Variants in DENND1B observed in about 807,000 individuals in gnomAD.
DENND1B encodes DENN domain-containing protein 1B.
A neutral mutation model predicts 90.1 loss-of-function variants in DENND1B; 59 were observed. The ratio of observed to expected loss-of-function variants is 0.65; its 90% CI spans 0.53 to 0.81. DENND1B has a LOEUF of 0.81. DENND1B is among the 40% of genes least tolerant of loss of function. The pLI is 0.00. For synonymous variants in DENND1B, 337 were observed against 324.6 expected (o/e 1.04, Z -0.41); for missense variants, 862 against 912.6 (o/e 0.94, Z 0.71).
chr1:197,546,632 A>C lies in DENND1B; in HGVS notation c.1281+101T>G, dbSNP rs923938754. 2.5e-5 allele frequency: 25 copies of C among 1,004,478 alleles called. No individual in the cohort carries two copies. The African/African-American group carries it at 3.6e-4, about 14-fold the overall frequency. The allele number at this position is 1,004,478 out of a possible 1,614,324, so 62.2% of individuals were successfully genotyped here. A position where few individuals can be genotyped will look rare whatever the true frequency, so the allele number is the denominator to read the frequency against. ...GTGACAAAATATACAAACATTTCAAATATTTCAAATAAACAGCATAAGTAT... is the reference window on the plus strand; with the variant it reads ...GTGACAAAATATACAAACATTTCAACTATTTCAAATAAACAGCATAAGTAT... On this transcript the variant is annotated intron_variant, in intron 17 of 22. Coordinates refer to ENST00000620048, the MANE Select transcript of DENND1B (RefSeq NM_001195215.2).
rs79194870 is a variant in DENND1B at position 197,747,925 on chromosome 1, T to C, written c.82+24943A>G. On this transcript the variant is annotated intron_variant, in intron 2 of 22. Transcript: ENST00000620048. ...TAATAAAGTCCTCTATTTCTGATCA[T>C]GGAAACTCATGTCTTCTGATAGCAT... Among the ~76,000 whole-genome samples the C allele has an allele frequency of 5.0e-3, 769 of 152,316 alleles. 8 individuals carry two copies. Among genetic ancestry groups the C allele is most frequent in the African/African-American group, 0.017 (711 of 41,576 alleles).
chr1:197,573,135 T>C (rs1355596499), intron 15 of DENND1B, among the ~76,000 whole-genome samples: 1 of 152,188 alleles, frequency 6.6e-6, no homozygotes, highest in Non-Finnish European at 1.5e-5. Context: ...TGGTCTCTAT[T>C]TCCTTCAGTT....
chr1:197,525,838 T>C (rs572509864), intron 20 of DENND1B, among the ~76,000 whole-genome samples: 44 of 152,112 alleles, frequency 2.9e-4, no homozygotes, highest in Non-Finnish European at 5.2e-4. Context: ...TATATTTTGG[T>C]GTCAGAATCA....
At chr1:197,589,384 A>T (rs1268317971) in intron 14 of DENND1B, among the ~76,000 whole-genome samples, 1 of 152,180 alleles carries the variant, frequency 6.6e-6, no homozygotes, top group African/African-American at 2.4e-5. Context: ...AAAAAGCCAG[A>T]TGCACACCAA....
At chr1:197,723,598 C>G (rs2102283345) in intron 2 of DENND1B, among the ~76,000 whole-genome samples, 1 of 152,060 alleles carries the variant, frequency 6.6e-6, no homozygotes, top group African/African-American at 2.4e-5. Flanking sequence ...TTTATAAGAA[C>G]ACAGGGAAAA....
At chr1:197,625,890 T>G (rs575224760) in intron 10 of DENND1B, among the ~76,000 whole-genome samples, 273 of 152,042 alleles carry the variant, frequency 1.8e-3, no homozygotes, top group African/African-American at 3.9e-3. Context: ...TGATAAAACA[T>G]ACTTTAAACC....
At chr1:197,729,237 A>T (rs544412378) in intron 2 of DENND1B, among the ~76,000 whole-genome samples, 1 of 152,290 alleles carries the variant, frequency 6.6e-6, no homozygotes, top group South Asian at 2.1e-4. Context: ...TCATGTTTCA[A>T]ATTTTAATGT....
chr1:197,546,123 ATGTTC>A, intron 17 of DENND1B, 133 bp from the exon 18 acceptor site: 1 of 557,338 alleles, frequency 1.8e-6, no homozygotes, highest in Non-Finnish European at 3.1e-6. Context: ...AAATTATTTC[ATGTTC>A]AGTGTTCAGT....
At chr1:197,640,850 T>C (rs898054394) in intron 10 of DENND1B, among the ~76,000 whole-genome samples, 1 of 152,134 alleles carries the variant, frequency 6.6e-6, no homozygotes, top group East Asian at 1.9e-4. Flanking sequence ...CGTGTGCCTA[T>C]AGTCCCAGCT....
chr1:197,720,414 T>C (rs1360726903), intron 2 of DENND1B, among the ~76,000 whole-genome samples: 1 of 151,966 alleles, frequency 6.6e-6, no homozygotes, highest in East Asian at 1.9e-4. Context: ...ATTTTTTTTT[T>C]CTTTTTTGTA....
intron 11 of DENND1B, among the ~76,000 whole-genome samples, 176 bp from the exon 12 acceptor site, chr1:197,612,152 C>A (rs1677238646): frequency 6.7e-6 from 1 of 150,226 alleles, no homozygotes; most frequent in Non-Finnish European, 1.5e-5. Flanking sequence ...TCTTAGAGGC[C>A]ATTAATATAT....
chr1:197,738,682 A>C (rs1358638514), intron 2 of DENND1B, among the ~76,000 whole-genome samples: 1 of 152,228 alleles, frequency 6.6e-6, no homozygotes, highest in Non-Finnish European at 1.5e-5. Flanking sequence ...TTAAAGCAGC[A>C]CTTTTACATC....
chr1:197,608,765 A>C (rs1173068216), intron 12 of DENND1B, among the ~76,000 whole-genome samples: 1 of 150,598 alleles, frequency 6.6e-6, no homozygotes, highest in Non-Finnish European at 1.5e-5. Flanking sequence ...ACTCAGAACA[A>C]GGAAATTGGT....
chr1:197,695,955 A>T (rs183332416), intron 3 of DENND1B, among the ~76,000 whole-genome samples: 1 of 151,450 alleles, frequency 6.6e-6, no homozygotes, highest in Non-Finnish European at 1.5e-5. Flanking sequence ...AAAATTTTTT[A>T]AATTATGAAT....
At chr1:197,554,100 T>C (rs199833835) in intron 15 of DENND1B, among the ~76,000 whole-genome samples, 35 of 139,986 alleles carry the variant, frequency 2.5e-4, no homozygotes, top group African/African-American at 8.7e-4. Context: ...TCAATGATTA[T>C]ACACACACAC....
chr1:197,717,656 C>T (rs542504292), intron 2 of DENND1B, among the ~76,000 whole-genome samples: 96 of 152,006 alleles, frequency 6.3e-4, no homozygotes, highest in Non-Finnish European at 1.2e-3. Context: ...TGCACATCAT[C>T]AACATAAGGA....
At chr1:197,636,336 G>C (rs1009983017) in intron 10 of DENND1B, among the ~76,000 whole-genome samples, 1 of 152,122 alleles carries the variant, frequency 6.6e-6, no homozygotes, top group South Asian at 2.1e-4. Flanking sequence ...TTCACTGTAA[G>C]TAATTCAAAT....
At chr1:197,676,910 G>C (rs1431069344) in intron 3 of DENND1B, among the ~76,000 whole-genome samples, 1 of 152,002 alleles carries the variant, frequency 6.6e-6, no homozygotes, top group Admixed American at 6.6e-5. Context: ...GCTAGTGTTA[G>C]AGTGGTATAT....
At chr1:197,542,514 G>A (rs1004352728) in intron 18 of DENND1B, among the ~76,000 whole-genome samples, 6 of 152,070 alleles carry the variant, frequency 3.9e-5, no homozygotes, top group African/African-American at 1.2e-4. Context: ...CTCCAATGAT[G>A]AGTATAAGGC....
Sources: allele counts gnomAD v4.1 joint callset (sites outside exome capture counted in the v4.1 genomes callset), GRCh38; gene constraint gnomAD v4.1.1; transcripts MANE v1.5; gene names NCBI Gene and HGNC (gene_info 2026-07-23, HGNC 2026-07-21).